ASB5: variants seen among roughly 807,000 people sequenced by gnomAD.
The protein encoded by ASB5 is ankyrin repeat and SOCS box protein 5.
In ASB5, 45 loss-of-function variants were observed where a neutral mutation model predicts 42.1. That is an observed-to-expected ratio of 1.07 (90% confidence interval 0.84 to 1.37). The LOEUF is 1.37. Among genes scored for constraint, ASB5 ranks in the 40% most tolerant of loss-of-function variants. The pLI, the probability that ASB5 is intolerant of heterozygous loss-of-function variation, is 0.00. For synonymous variants in ASB5, 147 were observed against 150.6 expected (o/e 0.98, Z 0.18); for missense variants, 402 against 399.8 (o/e 1.01, Z -0.05).
intron 1 of ASB5, among the ~76,000 whole-genome samples, chr4:176,262,373 T>C (rs1349079528): frequency 6.6e-6 from 1 of 152,172 alleles, no homozygotes; most frequent in Non-Finnish European, 1.5e-5. Flanking sequence ...GTAAGAGATA[T>C]ATGAGTCAGA....
intron 1 of ASB5, among the ~76,000 whole-genome samples, chr4:176,241,028 C>T (rs1753800181): frequency 6.6e-6 from 1 of 152,144 alleles, no homozygotes; most frequent in South Asian, 2.1e-4. Context: ...CTATAACTCA[C>T]CCACTTTCCC....
At chr4:176,224,438 T>C (rs1371147683) in intron 2 of ASB5, among the ~76,000 whole-genome samples, 4 of 152,092 alleles carry the variant, frequency 2.6e-5, no homozygotes, top group African/African-American at 7.2e-5. Context: ...TTTCACCACG[T>C]TGGCCAGGCT....
chr4:176,267,591 A>AG (rs1341398730), intron 1 of ASB5, among the ~76,000 whole-genome samples: 1 of 152,164 alleles, frequency 6.6e-6, no homozygotes, highest in Non-Finnish European at 1.5e-5. Flanking sequence ...ACTACACTCC[A>AG]GCCTGGGTGA....
intron 1 of ASB5, among the ~76,000 whole-genome samples, chr4:176,249,938 G>T (rs1198663539): frequency 1.3e-5 from 2 of 151,674 alleles, no homozygotes; most frequent in Non-Finnish European, 2.9e-5. Context: ...GGTGACGGGC[G>T]CCTGTAGTCC....
At chr4:176,240,346 G>A (rs1272493316) in intron 1 of ASB5, among the ~76,000 whole-genome samples, 2 of 152,138 alleles carry the variant, frequency 1.3e-5, no homozygotes, top group Non-Finnish European at 2.9e-5. Flanking sequence ...TGAAACAAAG[G>A]CAATTCTATC....
intron 1 of ASB5, among the ~76,000 whole-genome samples, chr4:176,253,787 A>G (rs1332647486): frequency 6.6e-6 from 1 of 152,176 alleles, no homozygotes; most frequent in Non-Finnish European, 1.5e-5. Flanking sequence ...CTTGATTTAC[A>G]ATAGCTTGCA....
chr4:176,238,305 A>T (rs541843247), intron 1 of ASB5, among the ~76,000 whole-genome samples: 2 of 152,272 alleles, frequency 1.3e-5, no homozygotes, highest in South Asian at 4.1e-4. Flanking sequence ...TTCAATACAA[A>T]ATCACAGTCC....
rs370903464 is a variant in ASB5 at position 176,222,373 on chromosome 4, G to C, written c.324C>G (p.His108Gln). ...AVTLDHVTPL[H>Q]EACLGDHVAC... ...CCACGTGATCTCCAAGGCAGGCTTCGTGCAATGGGGTGACATGGTCTAAGG... is the reference window on the plus strand; with the variant it reads ...CCACGTGATCTCCAAGGCAGGCTTCCTGCAATGGGGTGACATGGTCTAAGG... Residue 108 changes from histidine to glutamine, a missense_variant, in exon 3 of 7, where the codon CAC becomes CAG. His to Gln is a conservative substitution (Grantham distance 24, BLOSUM62 0). Coordinates refer to ENST00000296525, the MANE Select transcript of ASB5 (RefSeq NM_080874.4). 7.4e-6 allele frequency: 12 copies of C among 1,613,734 alleles called. No homozygotes were observed. Among genetic ancestry groups the C allele is most frequent in the Non-Finnish European group, 1.0e-5 (12 of 1,179,944 alleles).
chr4:176,225,411 C>T (rs1171934550), intron 1 of ASB5, 70 bp from the exon 2 acceptor site: 4 of 1,225,642 alleles, frequency 3.3e-6, no homozygotes, highest in Non-Finnish European at 4.8e-6. Flanking sequence ...CCAGTAGACA[C>T]AATCAATACC....
At chr4:176,275,587 G>A (rs1244061038) in intron 2 of ASB5, among the ~76,000 whole-genome samples, 1 of 152,138 alleles carries the variant, frequency 6.6e-6, no homozygotes, top group Non-Finnish European at 1.5e-5. Context: ...CCATCTCCCA[G>A]CTCCCTACGA....
chr4:176,239,124 T>C (rs552770937), intron 1 of ASB5, among the ~76,000 whole-genome samples: 1 of 152,286 alleles, frequency 6.6e-6, no homozygotes, highest in African/African-American at 2.4e-5. Flanking sequence ...GGTGGCACAT[T>C]CCTAGGTGAA....
chr4:176,237,225 A>G, intron 1 of ASB5: 1 of 951,176 alleles, frequency 1.1e-6, no homozygotes, highest in Non-Finnish European at 1.3e-6. Flanking sequence ...TAAAGTTAGT[A>G]TTTGCAAAAA....
chr4:176,269,665 A>C (rs1046632453), upstream of ASB5, among the ~76,000 whole-genome samples: 2 of 152,198 alleles, frequency 1.3e-5, no homozygotes, highest in Non-Finnish European at 2.9e-5. Context: ...TTTTCTTACA[A>C]GTCATTACAC....
At chr4:176,218,635 T>C in intron 5 of ASB5, among the ~76,000 whole-genome samples, 1 of 102,416 alleles carries the variant, frequency 9.8e-6, no homozygotes, top group Non-Finnish European at 1.8e-5. Context: ...TATATTTGTA[T>C]GATATATAAA....
intron 1 of ASB5, chr4:176,237,527 G>A (rs1471412492): frequency 2.0e-6 from 2 of 985,488 alleles, no homozygotes; most frequent in Non-Finnish European, 2.4e-6. Context: ...CTTCCCTTCA[G>A]ACTTTCACAA....
At chr4:176,253,063 A>C (rs1426807736) in intron 1 of ASB5, among the ~76,000 whole-genome samples, 1 of 152,208 alleles carries the variant, frequency 6.6e-6, no homozygotes, top group African/African-American at 2.4e-5. Context: ...AAAGAGACTG[A>C]CTATACACAT....
chr4:176,252,665 G>C (rs1754066657), intron 1 of ASB5, among the ~76,000 whole-genome samples: 1 of 152,130 alleles, frequency 6.6e-6, no homozygotes, highest in African/African-American at 2.4e-5. Flanking sequence ...TGCTGGGGTT[G>C]GTACAAAGAC....
intron 1 of ASB5, among the ~76,000 whole-genome samples, chr4:176,246,453 C>T (rs1054970359): frequency 1.3e-5 from 2 of 152,196 alleles, no homozygotes; most frequent in Admixed American, 6.5e-5. Flanking sequence ...ACCAGTATCA[C>T]AGCACTAGCC....
intron 5 of ASB5, 110 bp downstream of exon 5, chr4:176,221,045 A>G (rs1247599963): frequency 7.5e-7 from 1 of 1,331,464 alleles, no homozygotes; most frequent in East Asian, 2.6e-5. Context: ...AATGCTTAAA[A>G]TAAGAACATT....
Sources: gnomAD v4.1 joint callset for allele counts (sites outside exome capture counted in the v4.1 genomes callset) on GRCh38, gnomAD v4.1.1 for gene constraint, MANE v1.5 for transcripts, NCBI Gene and HGNC (gene_info 2026-07-23, HGNC 2026-07-21) for gene names.